The following EXOC4 variants were observed in gnomAD, a reference collection of about 807,000 sequenced individuals.
EXOC4 encodes SEC8-like 1.
EXOC4 carries 71 observed loss-of-function variants against 107.2 expected under a neutral mutation model. That is an observed-to-expected ratio of 0.66 (90% confidence interval 0.55 to 0.81). The LOEUF (loss-of-function observed/expected upper bound fraction) is 0.81. Among genes scored for constraint, EXOC4 ranks in the 30% least tolerant of loss-of-function variants. The probability of loss-of-function intolerance (pLI) is 0.00; values close to 1 mark genes in which losing one functional copy is unlikely to be tolerated. For missense variants in EXOC4, 1,108 were observed against 1,189.6 expected (o/e 0.93, Z 1.01); for synonymous variants, 456 against 441.2 (o/e 1.03, Z -0.42).
intron 9 of EXOC4, among the ~76,000 whole-genome samples, chr7:133,555,665 T>C (rs1178885247): frequency 6.6e-6 from 1 of 152,172 alleles, no homozygotes; most frequent in Non-Finnish European, 1.5e-5. Flanking sequence ...ATAATGCCCA[T>C]AAGATTGTTA....
chr7:133,581,989 T>A (rs1192490946), intron 9 of EXOC4, among the ~76,000 whole-genome samples: 1 of 152,046 alleles, frequency 6.6e-6, no homozygotes, highest in Admixed American at 6.6e-5. Context: ...ACTCCGTCAC[T>A]ATCATGAGAA....
At chr7:133,282,614 G>A (rs1302617611) in intron 2 of EXOC4, among the ~76,000 whole-genome samples, 1 of 151,952 alleles carries the variant, frequency 6.6e-6, no homozygotes, top group African/African-American at 2.4e-5. Flanking sequence ...GTATAGCCCT[G>A]TTCCTATTAA....
At chr7:133,679,821 A>G (rs908517993) in intron 10 of EXOC4, among the ~76,000 whole-genome samples, 3 of 152,248 alleles carry the variant, frequency 2.0e-5, no homozygotes, top group African/African-American at 7.2e-5. Context: ...ATAAATGGCC[A>G]TATGTGAGAA....
chr7:133,968,669 C>G (rs766378885), intron 14 of EXOC4, among the ~76,000 whole-genome samples: 1 of 152,052 alleles, frequency 6.6e-6, no homozygotes, highest in Non-Finnish European at 1.5e-5. Flanking sequence ...AATATTGGCC[C>G]CCACTCTCTT....
intron 7 of EXOC4, among the ~76,000 whole-genome samples, chr7:133,394,858 G>A (rs1796935176): frequency 1.3e-5 from 2 of 150,990 alleles, no homozygotes; most frequent in African/African-American, 4.9e-5. Context: ...TACCAAAAGC[G>A]CCTGACAATG....
intron 11 of EXOC4, among the ~76,000 whole-genome samples, chr7:133,868,698 A>G (rs751080416): frequency 1.4e-4 from 22 of 151,998 alleles, no homozygotes; most frequent in Non-Finnish European, 4.4e-5. Flanking sequence ...ACAGGATTCC[A>G]TTTTCTTGAG....
chr7:133,985,148 A>G (rs1417672204), intron 14 of EXOC4, among the ~76,000 whole-genome samples: 2 of 152,214 alleles, frequency 1.3e-5, no homozygotes, highest in African/African-American at 4.8e-5. Context: ...AAGCATTCTA[A>G]GAAACACTAA....
intron 10 of EXOC4, among the ~76,000 whole-genome samples, chr7:133,707,043 CAT>C (rs765980705): frequency 9.9e-5 from 15 of 151,466 alleles, no homozygotes; most frequent in East Asian, 5.8e-4. Flanking sequence ...TCTTGTAAGA[CAT>C]GTGTGTGTAC....
intron 14 of EXOC4, among the ~76,000 whole-genome samples, chr7:133,971,607 C>A (rs1054879569): frequency 7.9e-5 from 12 of 151,772 alleles, no homozygotes; most frequent in Non-Finnish European, 1.8e-4. Flanking sequence ...GGAAAACAAA[C>A]CTTTTTTAAA....
At chr7:133,964,503 A>G (rs1467839974) in intron 14 of EXOC4, among the ~76,000 whole-genome samples, 1 of 151,900 alleles carries the variant, frequency 6.6e-6, no homozygotes, top group Non-Finnish European at 1.5e-5. Context: ...GACAGGCCCC[A>G]GTGTGTGATG....
rs749115364 is a variant in EXOC4 at position 133,480,115 on chromosome 7, A to G, written c.1394A>G (p.Tyr465Cys). ...AYLREQRREL[Y>C]SRSGELQGGP... Reference sequence around the variant, plus strand: ...CTGCGAGAACAGAGAAGGGAGCTCTATAGTCGGAGTGGAGAACTGCAAGGT... The same window carrying G: ...CTGCGAGAACAGAGAAGGGAGCTCTGTAGTCGGAGTGGAGAACTGCAAGGT... The change falls in exon 9 of 18, where the codon TAT becomes TGT. Residue 465 changes from tyrosine to cysteine, a missense_variant. Physicochemically the swap from Tyr to Cys is radical, Grantham distance 194. Transcript: ENST00000253861. The G allele has an allele frequency of 6.8e-6, 11 of 1,613,908 alleles. No homozygotes were observed. Among genetic ancestry groups the G allele is most frequent in the Admixed American group, 3.3e-5 (2 of 59,996 alleles).
chr7:133,512,431 A>G (rs961400887), intron 9 of EXOC4, among the ~76,000 whole-genome samples: 39 of 151,952 alleles, frequency 2.6e-4, no homozygotes, highest in Non-Finnish European at 1.5e-4. Flanking sequence ...TCCATCTTAA[A>G]AAAAAAAAAG....
At chr7:133,984,112 T>TGA (rs1357319691) in intron 14 of EXOC4, among the ~76,000 whole-genome samples, 1 of 152,238 alleles carries the variant, frequency 6.6e-6, no homozygotes, top group African/African-American at 2.4e-5. Flanking sequence ...TGTATGCAGA[T>TGA]AGGACCCCAA....
chr7:133,944,631 T>C (rs1281497777), intron 14 of EXOC4, among the ~76,000 whole-genome samples: 4 of 152,232 alleles, frequency 2.6e-5, no homozygotes, highest in Non-Finnish European at 5.9e-5. Context: ...ATCTTTCTAG[T>C]GGCTATTTTT....
intron 11 of EXOC4, among the ~76,000 whole-genome samples, chr7:133,874,444 A>G (rs1337255095): frequency 6.6e-6 from 1 of 152,196 alleles, no homozygotes; most frequent in East Asian, 1.9e-4. Flanking sequence ...AGGCATATCC[A>G]AGTTGAATCT....
At chr7:134,026,312 A>C (rs912827473) in intron 17 of EXOC4, among the ~76,000 whole-genome samples, 1 of 151,688 alleles carries the variant, frequency 6.6e-6, no homozygotes. Flanking sequence ...TCTTAGGGAA[A>C]GGGAAATCTC....
intron 14 of EXOC4, among the ~76,000 whole-genome samples, chr7:133,977,980 T>C (rs969130577): frequency 6.6e-6 from 1 of 152,210 alleles, no homozygotes; most frequent in Admixed American, 6.5e-5. Context: ...TCTTTGTACA[T>C]AGTGAACTGT....
chr7:133,617,842 A>G (rs1802231257), intron 9 of EXOC4, among the ~76,000 whole-genome samples: 1 of 152,178 alleles, frequency 6.6e-6, no homozygotes, highest in South Asian at 2.1e-4. Context: ...GTGAGAATTG[A>G]GTTCAAAATG....
intron 11 of EXOC4, among the ~76,000 whole-genome samples, chr7:133,850,732 C>T (rs1798225276): frequency 1.3e-5 from 2 of 151,904 alleles, no homozygotes; most frequent in Non-Finnish European, 2.9e-5. Context: ...TAGCAGGAAA[C>T]TTCCCATTCC....
Sources: allele counts gnomAD v4.1 joint callset (sites outside exome capture counted in the v4.1 genomes callset), GRCh38; gene constraint gnomAD v4.1.1; transcripts MANE v1.5; gene names NCBI Gene and HGNC (gene_info 2026-07-23, HGNC 2026-07-21).